The following PSMD1 variants were observed in gnomAD, a reference collection of about 807,000 sequenced individuals.
PSMD1 encodes 26S proteasome non-ATPase regulatory subunit 1.
In PSMD1, 18 loss-of-function variants were observed where a neutral mutation model predicts 119.0. The observed-to-expected ratio is 0.15, with a 90% confidence interval of 0.10 to 0.22. The LOEUF is 0.22. Ranked by LOEUF, PSMD1 falls within the 10% of genes least tolerant of loss-of-function variation. The probability of loss-of-function intolerance (pLI) is 1.00; values close to 1 mark genes in which losing one functional copy is unlikely to be tolerated. For synonymous variants in PSMD1, 374 were observed against 396.6 expected (o/e 0.94, Z 0.68); for missense variants, 702 against 1,158.5 (o/e 0.61, Z 5.72).
At chr2:231,165,160 A>G in intron 21 of PSMD1, 40 bp from the exon 22 acceptor site, 2 of 1,514,604 alleles carry the variant, frequency 1.3e-6, no homozygotes, top group Non-Finnish European at 1.8e-6. Context: ...TTTGTATGTC[A>G]GTAAGGGATT....
At chr2:231,171,617 C>T (rs1250115750) in intron 24 of PSMD1, among the ~76,000 whole-genome samples, 6 of 138,016 alleles carry the variant, frequency 4.3e-5, no homozygotes, top group East Asian at 2.2e-4. Flanking sequence ...AGTGCAATGG[C>T]GCAAACTTGG....
chr2:231,077,615 G>T (rs1277607454), intron 9 of PSMD1, among the ~76,000 whole-genome samples: 1 of 152,026 alleles, frequency 6.6e-6, no homozygotes, highest in East Asian at 1.9e-4. Context: ...CTCCTTGAGA[G>T]CAGCGATTCT....
At chr2:231,075,679 A>G in intron 8 of PSMD1, 108 bp downstream of exon 8, 3 of 947,682 alleles carry the variant, frequency 3.2e-6, no homozygotes, top group Non-Finnish European at 4.7e-6. Flanking sequence ...TCCCAGGCTC[A>G]AGCTTTCCTC....
At chr2:231,139,521 A>G (rs1178340291) in intron 17 of PSMD1, among the ~76,000 whole-genome samples, 12 of 146,984 alleles carry the variant, frequency 8.2e-5, no homozygotes, top group Admixed American at 6.8e-5. Context: ...TGCTGAGATT[A>G]CAGGCATGAG....
chr2:231,078,814 T>G, intron 10 of PSMD1, 67 bp downstream of exon 10: 3 of 1,129,258 alleles, frequency 2.7e-6, no homozygotes, highest in Non-Finnish European at 1.2e-6. Flanking sequence ...TTTTTTTTTT[T>G]TGTGCAGTCT....
chr2:231,123,042 G>T (rs1000023009), intron 16 of PSMD1, among the ~76,000 whole-genome samples: 6 of 152,124 alleles, frequency 3.9e-5, no homozygotes, highest in African/African-American at 1.4e-4. Flanking sequence ...TGTCCCGGAA[G>T]TGTCCTAGTT....
chr2:231,089,477 A>G (rs1409501695), intron 16 of PSMD1, among the ~76,000 whole-genome samples: 1 of 152,146 alleles, frequency 6.6e-6, no homozygotes, highest in Non-Finnish European at 1.5e-5. Context: ...CATTCTGAAA[A>G]TGCTGGGGCC....
intron 17 of PSMD1, among the ~76,000 whole-genome samples, chr2:231,143,086 A>G (rs891999546): frequency 3.9e-5 from 6 of 151,984 alleles, no homozygotes; most frequent in African/African-American, 1.2e-4. Flanking sequence ...TACCTACCTA[A>G]GGACCTTGTA....
chr2:231,062,138 G>GT (rs775305319), intron 2 of PSMD1, 110 bp from the exon 3 acceptor site: 115 of 675,844 alleles, frequency 1.7e-4, no homozygotes, highest in Middle Eastern at 2.8e-4. Context: ...TAGAGTAAAA[G>GT]TTTGAGTAAA....
chr2:231,114,893 C>T (rs1188775246), intron 16 of PSMD1, among the ~76,000 whole-genome samples: 1 of 152,072 alleles, frequency 6.6e-6, no homozygotes, highest in African/African-American at 2.4e-5. Context: ...TAGAATTCCC[C>T]CTAGAATATT....
intron 19 of PSMD1, among the ~76,000 whole-genome samples, chr2:231,160,234 G>A (rs1440981178): frequency 6.6e-6 from 1 of 152,214 alleles, no homozygotes; most frequent in African/African-American, 2.4e-5. Context: ...TCTCGTTCAA[G>A]TGTTCAAATT....
intron 16 of PSMD1, among the ~76,000 whole-genome samples, chr2:231,095,758 G>A (rs1694708926): frequency 6.6e-6 from 1 of 152,180 alleles, no homozygotes; most frequent in South Asian, 2.1e-4. Context: ...TTGAGGAATC[G>A]CTGCGGGGGA....
chr2:231,136,985 A>AT (rs997410702), intron 16 of PSMD1, among the ~76,000 whole-genome samples: 3 of 144,762 alleles, frequency 2.1e-5, no homozygotes, highest in African/African-American at 7.6e-5. Flanking sequence ...TATATTATAT[A>AT]ATTATAATAT....
intron 16 of PSMD1, chr2:231,109,171 C>T: frequency 1.2e-6 from 2 of 1,614,198 alleles, no homozygotes. Context: ...AAACTGTAGA[C>T]ACAGTCAACC....
intron 5 of PSMD1, 93 bp from the exon 6 acceptor site, chr2:231,069,932 G>T: frequency 1.8e-6 from 2 of 1,081,516 alleles, no homozygotes; most frequent in Non-Finnish European, 2.4e-6. Context: ...TCCTAGATTG[G>T]CTAAAGAAGC....
At chr2:231,122,596 G>A (rs953591403) in intron 16 of PSMD1, among the ~76,000 whole-genome samples, 24 of 152,038 alleles carry the variant, frequency 1.6e-4, no homozygotes, top group Non-Finnish European at 1.6e-4. Flanking sequence ...TAATTCATCA[G>A]CAGAATTATT....
chr2:231,143,127 C>G (rs1024586068), intron 17 of PSMD1, among the ~76,000 whole-genome samples: 6 of 150,554 alleles, frequency 4.0e-5, no homozygotes, highest in Non-Finnish European at 5.9e-5. Flanking sequence ...TGTTGTTTTT[C>G]TTGTTGTTTT....
intron 1 of PSMD1, among the ~76,000 whole-genome samples, chr2:231,059,196 T>G (rs975952607): frequency 3.9e-5 from 6 of 152,220 alleles, no homozygotes; most frequent in Non-Finnish European, 7.3e-5. Context: ...GGTCCTATCC[T>G]GAGATTCTGT....
chr2:231,102,292 C>T (rs1694887369), intron 16 of PSMD1, among the ~76,000 whole-genome samples: 1 of 152,086 alleles, frequency 6.6e-6, no homozygotes, highest in African/African-American at 2.4e-5. Context: ...GAACCAAACC[C>T]ACAATACCTT....
Sources: gnomAD v4.1 joint callset for allele counts (sites outside exome capture counted in the v4.1 genomes callset) on GRCh38, gnomAD v4.1.1 for gene constraint, MANE v1.5 for transcripts, NCBI Gene and HGNC (gene_info 2026-07-23, HGNC 2026-07-21) for gene names.